CBLN2: variants seen among roughly 807,000 people sequenced by gnomAD.
The protein encoded by CBLN2 is cerebellin 2 precursor.
CBLN2 carries 7 observed loss-of-function variants against 15.0 expected under a neutral mutation model. The observed-to-expected ratio is 0.47, with a 90% CI of 0.27 to 0.88. The LOEUF (loss-of-function observed/expected upper bound fraction) is 0.88, where lower values mean the gene tolerates loss of function less well. Ranked by LOEUF, CBLN2 falls within the 40% of genes least tolerant of loss-of-function variation. CBLN2 has a pLI of 0.14. For missense variants in CBLN2, 242 were observed against 304.5 expected (o/e 0.79, Z 1.53); for synonymous variants, 149 against 135.2 (o/e 1.10, Z -0.71).
chr18:72,563,609 A>G (rs1323692555), intron 1 of CBLN2, among the ~76,000 whole-genome samples: 2 of 152,236 alleles, frequency 1.3e-5, no homozygotes, highest in African/African-American at 4.8e-5. Context: ...TCATCTTCCC[A>G]GTCAAGATCA....
At chr18:72,611,140 A>G (rs1317766989) in intron 1 of CBLN2, among the ~76,000 whole-genome samples, 1 of 152,120 alleles carries the variant, frequency 6.6e-6, no homozygotes, top group Non-Finnish European at 1.5e-5. Context: ...CCAATCTACC[A>G]TTGATGGATA....
chr18:72,601,544 C>T (rs962569937), intron 1 of CBLN2, among the ~76,000 whole-genome samples: 1 of 152,148 alleles, frequency 6.6e-6, no homozygotes, highest in Non-Finnish European at 1.5e-5. Flanking sequence ...GCCTGTTAGC[C>T]CAAGTCACGC....
At chr18:72,610,861 A>G (rs2069617115) in intron 1 of CBLN2, among the ~76,000 whole-genome samples, 1 of 152,140 alleles carries the variant, frequency 6.6e-6, no homozygotes, top group Non-Finnish European at 1.5e-5. Flanking sequence ...TACTGAGCAT[A>G]ATACCCAATA....
rs2069131721 is a variant in CBLN2 at position 72,543,220 on chromosome 18, A to G, written c.-167+266T>C. ...CCCCGCTCCTCCCAGGAAAGCAGAC[A>G]GGCCATTTCAATACCAGCCCAGAGA... On this transcript the variant is annotated intron_variant, in intron 2 of 4. Transcript: ENST00000269503. The surrounding 1 kb of genome is among the most constrained non-coding windows in gnomAD (Gnocchi z 6.8). 6.1e-6 allele frequency: 2 copies of G among 328,704 alleles called. No homozygotes were observed. The highest frequency in any genetic ancestry group is 4.5e-5 in the East Asian group (1 of 22,220). 20.4% of individuals were successfully genotyped at this position (328,704 alleles called of 1,614,324 possible). A position where few individuals can be genotyped will look rare whatever the true frequency, so the allele number is the denominator to read the frequency against.
intron 1 of CBLN2, among the ~76,000 whole-genome samples, chr18:72,557,449 A>AT (rs1160742481): frequency 6.6e-6 from 1 of 152,232 alleles, no homozygotes; most frequent in Non-Finnish European, 1.5e-5. Flanking sequence ...TCTCTGAGGA[A>AT]TTGCCACACC....
At chr18:72,614,606 C>T (rs747878945) in intron 1 of CBLN2, among the ~76,000 whole-genome samples, 2 of 152,082 alleles carry the variant, frequency 1.3e-5, no homozygotes, top group African/African-American at 2.4e-5. Flanking sequence ...ATATACTATA[C>T]CAACATTCAT....
intron 1 of CBLN2, among the ~76,000 whole-genome samples, chr18:72,609,920 A>T (rs1213817074): frequency 1.3e-5 from 2 of 152,110 alleles, no homozygotes; most frequent in African/African-American, 2.4e-5. Context: ...TGGGGATGGT[A>T]TTCCCTGGGT....
chr18:72,623,384 T>C (rs929550480), intron 1 of CBLN2, among the ~76,000 whole-genome samples: 1 of 152,120 alleles, frequency 6.6e-6, no homozygotes, highest in African/African-American at 2.4e-5. Flanking sequence ...AAACTGACAA[T>C]CCTTATAAAA....
Position 72,542,292 on chromosome 18 carries a change from C to A in CBLN2, c.-132G>T, listed in dbSNP as rs1057361386. On this transcript the variant is annotated 5_prime_UTR_variant, in exon 3 of 5. Transcript: ENST00000269503. ...TCGTCCCCGGCTCTGACGTTCAAGG[C>A]CAGGGTCGTTCTCAGAAGAAAGGCG... The A allele has an allele frequency of 8.6e-6, 4 of 464,462 alleles. No individual in the cohort carries two copies. Among genetic ancestry groups the A allele is most frequent in the Non-Finnish European group, 1.3e-5 (4 of 318,370 alleles). 28.8% of individuals were successfully genotyped at this position (464,462 alleles called of 1,614,324 possible). A position where few individuals can be genotyped will look rare whatever the true frequency, so the allele number is the denominator to read the frequency against.
intron 1 of CBLN2, among the ~76,000 whole-genome samples, chr18:72,634,652 G>C (rs946815798): frequency 2.0e-5 from 3 of 152,104 alleles, no homozygotes; most frequent in Non-Finnish European, 4.4e-5. Flanking sequence ...CTGCATGGCA[G>C]GCTGGTGTCA....
At chr18:72,612,415 T>TAA (rs2069628523) in intron 1 of CBLN2, among the ~76,000 whole-genome samples, 1 of 152,210 alleles carries the variant, frequency 6.6e-6, no homozygotes, top group African/African-American at 2.4e-5. Context: ...TTTCTATGTT[T>TAA]AAGAAACATA....
chr18:72,580,579 T>TCA (rs1362025022), intron 1 of CBLN2, among the ~76,000 whole-genome samples: 5 of 152,302 alleles, frequency 3.3e-5, no homozygotes, highest in East Asian at 3.9e-4. Context: ...AGAATTGGAA[T>TCA]CACACACATA....
intron 1 of CBLN2, among the ~76,000 whole-genome samples, chr18:72,561,008 C>CA (rs1001139992): frequency 3.3e-5 from 5 of 150,222 alleles, no homozygotes; most frequent in African/African-American, 7.3e-5. Context: ...GACTCCGTCT[C>CA]AAAAAAAATA....
At chr18:72,637,679 A>G (rs1375652446) in intron 1 of CBLN2, among the ~76,000 whole-genome samples, 1 of 152,218 alleles carries the variant, frequency 6.6e-6, no homozygotes, top group East Asian at 1.9e-4. Flanking sequence ...ATCAAAATAC[A>G]TGTATTAAGT....
intron 3 of CBLN2, 132 bp from the exon 4 acceptor site, chr18:72,538,904 T>A: frequency 8.4e-7 from 1 of 1,194,576 alleles, no homozygotes; most frequent in African/African-American, 1.5e-5. Context: ...ATCCTCAGCA[T>A]TCTGGCTTCC....
chr18:72,577,170 T>C (rs1158421968), intron 1 of CBLN2, among the ~76,000 whole-genome samples: 2 of 150,836 alleles, frequency 1.3e-5, no homozygotes, highest in African/African-American at 2.4e-5. Flanking sequence ...TTCAATACTA[T>C]ATAAACATAA....
At chr18:72,610,592 TA>T (rs2069615286) in intron 1 of CBLN2, among the ~76,000 whole-genome samples, 1 of 152,092 alleles carries the variant, frequency 6.6e-6, no homozygotes, top group African/African-American at 2.4e-5. Context: ...GCACCTAGAA[TA>T]ATATTGACTC....
chr18:72,562,538 C>A (rs923316475), intron 1 of CBLN2, among the ~76,000 whole-genome samples: 3 of 152,106 alleles, frequency 2.0e-5, no homozygotes, highest in Non-Finnish European at 4.4e-5. Context: ...CACATTTGAC[C>A]TAATTTGACT....
intron 1 of CBLN2, among the ~76,000 whole-genome samples, chr18:72,571,861 A>G (rs1436722522): frequency 1.1e-4 from 17 of 152,182 alleles, no homozygotes; most frequent in Admixed American, 9.8e-4. Context: ...TTTTTTTGAT[A>G]TATTATTGAT....
Sources: allele counts gnomAD v4.1 joint callset (sites outside exome capture counted in the v4.1 genomes callset), GRCh38; gene constraint gnomAD v4.1.1; non-coding constraint Gnocchi (gnomAD v3.1); transcripts MANE v1.5; gene names NCBI Gene and HGNC (gene_info 2026-07-23, HGNC 2026-07-21).